Variants in TIAM2 observed in about 807,000 individuals in gnomAD.
The protein encoded by TIAM2 is rho guanine nucleotide exchange factor TIAM2.
A neutral mutation model predicts 152.9 loss-of-function variants in TIAM2; 80 were observed. The ratio of observed to expected loss-of-function variants is 0.52; its 90% CI spans 0.44 to 0.63. TIAM2 has a LOEUF of 0.63. Ranked by LOEUF, TIAM2 falls within the 30% of genes least tolerant of loss-of-function variation. The pLI is 0.00. For missense variants in TIAM2, 1,965 were observed against 2,120.1 expected (o/e 0.93, Z 1.44); for synonymous variants, 804 against 838.0 (o/e 0.96, Z 0.70).
At chr6:155,170,350 C>A (rs909072342) in intron 9 of TIAM2, among the ~76,000 whole-genome samples, 3 of 152,148 alleles carry the variant, frequency 2.0e-5, no homozygotes, top group Non-Finnish European at 4.4e-5. Context: ...AGTTAAGAGG[C>A]CTGGCATGGT....
intron 15 of TIAM2, among the ~76,000 whole-genome samples, chr6:155,228,387 C>G (rs1782321138): frequency 3.3e-5 from 5 of 151,936 alleles, no homozygotes; most frequent in Admixed American, 3.3e-4. Context: ...CTTTATTGTC[C>G]AATCATGAAT....
In TIAM2 at chr6:155,186,214, G is replaced by A. The variant is rs756315714; in HGVS notation, c.3064+2714G>A. ...CATACAGGTTTTGAGTCAGACGTGG[G>A]TTCAGGTCCTGGGCTGCCCTATACT... On this transcript the variant is annotated intron_variant, in intron 14 of 26. Coordinates refer to ENST00000682666, the MANE Select transcript of TIAM2 (RefSeq NM_012454.4). The surrounding 1 kb of genome is among the most constrained non-coding windows in gnomAD (Gnocchi z 4.5). Among the ~76,000 whole-genome samples the A allele has an allele frequency of 7.9e-5, 12 of 152,218 alleles. No individual in the cohort carries two copies. Among genetic ancestry groups the A allele is most frequent in the Non-Finnish European group, 1.6e-4 (11 of 68,042 alleles).
chr6:155,076,428 C>G (rs57470224), intron 1 of TIAM2, among the ~76,000 whole-genome samples: 1 of 151,840 alleles, frequency 6.6e-6, no homozygotes, highest in Non-Finnish European at 1.5e-5. Context: ...AATTCCATGC[C>G]GAAGTAATTA....
In TIAM2 at chr6:155,059,703, C is replaced by T. The variant is rs1777534298; in HGVS notation, c.-208-30586C>T. ...TAAAGGTGATAAGCCCCTCTCCTTG[C>T]ACATGGTAGGGGCACATGATATTAA... On this transcript the variant is annotated intron_variant, in intron 1 of 26. Coordinates refer to ENST00000682666, the MANE Select transcript of TIAM2 (RefSeq NM_012454.4). Among the ~76,000 whole-genome samples, 3 of 152,308 alleles carry T rather than the reference C, an allele frequency of 2.0e-5. No individual in the cohort carries two copies. In the South Asian group the frequency reaches 6.2e-4, roughly 32 times the overall value.
At chr6:155,038,981 G>A (rs1776971794) in intron 1 of TIAM2, among the ~76,000 whole-genome samples, 3 of 118,462 alleles carry the variant, frequency 2.5e-5, no homozygotes, top group African/African-American at 1.0e-4. Context: ...TTTTTTTGGC[G>A]ATAGGGTCTT....
intron 1 of TIAM2, among the ~76,000 whole-genome samples, chr6:155,021,959 G>A (rs1393336791): frequency 2.0e-5 from 3 of 152,216 alleles, no homozygotes; most frequent in East Asian, 3.9e-4. Context: ...CTCTTTCTGC[G>A]GCTTTCCCAA....
intron 1 of TIAM2, among the ~76,000 whole-genome samples, chr6:155,059,222 C>T (rs1156363683): frequency 1.3e-5 from 2 of 151,714 alleles, no homozygotes; most frequent in African/African-American, 4.8e-5. Flanking sequence ...TCTTCTTTGT[C>T]TTTCATGACC....
chr6:155,046,429 A>G (rs1478265834), intron 1 of TIAM2, among the ~76,000 whole-genome samples: 1 of 136,076 alleles, frequency 7.3e-6, no homozygotes, highest in Non-Finnish European at 1.5e-5. Flanking sequence ...TCCGCCTCCC[A>G]GGTTCAAGTG....
intron 1 of TIAM2, among the ~76,000 whole-genome samples, chr6:154,999,185 T>G (rs923095356): frequency 6.8e-6 from 1 of 148,110 alleles, no homozygotes; most frequent in Non-Finnish European, 1.5e-5. Flanking sequence ...TCAAAGACAT[T>G]TGATATGCTA....
At position 155,148,258 on chromosome 6, in the gene TIAM2, G is replaced by GC; in HGVS notation, c.1953dup (p.Lys652GlnfsTer34). The GC allele has an allele frequency of 6.2e-7, 1 of 1,612,682 alleles. No individual in the cohort carries two copies. Among genetic ancestry groups the GC allele is most frequent in the Non-Finnish European group, 8.5e-7 (1 of 1,180,012 alleles). The stretch of plus-strand genomic sequence containing the variant: ...CTGCTTCAGAAGATAGACATGGACA[G>GC]CAAGATGAAGAAGATGGCAGAGCTG... On this transcript the variant is annotated frameshift_variant, in exon 7 of 27. Transcript: ENST00000682666. LOFTEE classifies it high-confidence loss of function.
chr6:155,078,074 T>G (rs1195427934), intron 1 of TIAM2, among the ~76,000 whole-genome samples: 1 of 152,172 alleles, frequency 6.6e-6, no homozygotes. Context: ...GACTTTTTTT[T>G]TTGAGACAGG....
chr6:155,200,888 C>T (rs1418967390), intron 14 of TIAM2, among the ~76,000 whole-genome samples: 2 of 151,744 alleles, frequency 1.3e-5, no homozygotes, highest in East Asian at 1.9e-4. Context: ...GGTGACAGAG[C>T]GAGACTCTGT....
chr6:155,111,935 C>G (rs1029932725), intron 2 of TIAM2, among the ~76,000 whole-genome samples: 1 of 152,102 alleles, frequency 6.6e-6, no homozygotes, highest in Admixed American at 6.6e-5. Context: ...TCAATCCAGT[C>G]GGTCTTTCTC....
intron 1 of TIAM2, among the ~76,000 whole-genome samples, chr6:155,025,355 G>A (rs865958999): frequency 3.2e-4 from 48 of 152,094 alleles, no homozygotes; most frequent in Middle Eastern, 3.4e-3. Context: ...CACCACGCCC[G>A]GCTAATTTTT....
chr6:155,048,582 A>G (rs777180468), intron 1 of TIAM2, among the ~76,000 whole-genome samples: 32 of 152,136 alleles, frequency 2.1e-4, no homozygotes, highest in Admixed American at 4.6e-4. Context: ...GTCCTGGGAT[A>G]AAGAAGTCGG....
chr6:155,047,583 T>C (rs1411787150), intron 1 of TIAM2, among the ~76,000 whole-genome samples: 3 of 151,038 alleles, frequency 2.0e-5, no homozygotes, highest in African/African-American at 7.3e-5. Context: ...GAAAAGCCCA[T>C]TGATGTCTTG....
chr6:155,255,700 G>T (rs1193438022), intron 26 of TIAM2: 1 of 152,184 alleles, frequency 6.6e-6, no homozygotes, highest in East Asian at 1.9e-4. Context: ...TCATATGAGA[G>T]ATAAAGAGCA....
chr6:155,010,365 A>G (rs1778465730), intron 1 of TIAM2, among the ~76,000 whole-genome samples: 1 of 152,244 alleles, frequency 6.6e-6, no homozygotes, highest in Admixed American at 6.5e-5. Flanking sequence ...GAAATGGGGT[A>G]AAGGGTTTGG....
At position 155,041,239 on chromosome 6, in the gene TIAM2, T is replaced by C. The variant is rs1562298248; in HGVS notation, c.-209+45747T>C. On this transcript the variant is annotated intron_variant, in intron 1 of 26. Transcript: ENST00000682666. ...GTACAGTTTCTGACCACTTGAGTTA[T>C]AGAAAATGATTGAAAGATTTTTGTT... is the stretch of plus-strand genomic sequence containing the variant. 3.3e-5 allele frequency among the ~76,000 whole-genome samples: 5 copies of C among 152,224 alleles called. No homozygotes were observed. In the South Asian group the frequency reaches 1.0e-3, roughly 32 times the overall value.
Sources: allele counts gnomAD v4.1 joint callset (sites outside exome capture counted in the v4.1 genomes callset), GRCh38; gene constraint gnomAD v4.1.1; non-coding constraint Gnocchi (gnomAD v3.1); transcripts MANE v1.5; gene names NCBI Gene and HGNC (gene_info 2026-07-23, HGNC 2026-07-21).